Variants in NDUFB5 observed in about 807,000 individuals in gnomAD.
NDUFB5 encodes NADH dehydrogenase [ubiquinone] 1 beta subcomplex subunit 5, mitochondrial.
In NDUFB5, 19 loss-of-function variants were observed where a neutral mutation model predicts 19.4. That is an observed-to-expected ratio of 0.98 (90% confidence interval 0.68 to 1.43). NDUFB5 has a LOEUF of 1.43. Among genes scored for constraint, NDUFB5 ranks in the 40% most tolerant of loss-of-function variants. The pLI is 0.00. For synonymous variants in NDUFB5, 80 were observed against 82.6 expected (o/e 0.97, Z 0.17); for missense variants, 233 against 236.5 (o/e 0.99, Z 0.10).
chr3:179,615,277 G>T, intron 2 of NDUFB5: 1 of 337,396 alleles, frequency 3.0e-6, no homozygotes, highest in Non-Finnish European at 5.6e-6. Flanking sequence ...TACACTAAAT[G>T]GAGGTAAAAC....
chr3:179,611,193 TTGGA>T (rs1488200515), intron 1 of NDUFB5, among the ~76,000 whole-genome samples: 1 of 152,098 alleles, frequency 6.6e-6, no homozygotes, highest in Middle Eastern at 3.2e-3. Context: ...CTTCTGAATA[TTGGA>T]TGGCTTATAG....
chr3:179,619,550 A>G (rs200836393), intron 5 of NDUFB5, among the ~76,000 whole-genome samples: 5 of 152,172 alleles, frequency 3.3e-5, no homozygotes, highest in Non-Finnish European at 7.3e-5. Context: ...TTATGGCTGC[A>G]TAGTATTCCA....
At chr3:179,607,829 A>G in intron 1 of NDUFB5, 1 of 701,828 alleles carries the variant, frequency 1.4e-6, no homozygotes, top group Non-Finnish European at 2.6e-6. Context: ...AGAATCATAT[A>G]ATATTTGTCT....
intron 4 of NDUFB5, 153 bp downstream of exon 4, chr3:179,617,197 G>A: frequency 5.9e-6 from 3 of 511,690 alleles, no homozygotes; most frequent in Non-Finnish European, 1.0e-5. Context: ...GAGTGCAGTG[G>A]CGCGATTTCA....
At chr3:179,616,414 C>T (rs1436014068) in intron 3 of NDUFB5, among the ~76,000 whole-genome samples, 2 of 152,134 alleles carry the variant, frequency 1.3e-5, no homozygotes, top group Admixed American at 6.5e-5. Flanking sequence ...TGGTGGCAGG[C>T]GCCTGTAATC....
chr3:179,621,225 A>G (rs1719525759), intron 5 of NDUFB5, among the ~76,000 whole-genome samples: 1 of 152,000 alleles, frequency 6.6e-6, no homozygotes, highest in Admixed American at 6.6e-5. Flanking sequence ...TTACAGGTGC[A>G]TGACACCATG....
chr3:179,615,108 A>G (rs1169616698), intron 2 of NDUFB5, 49 bp downstream of exon 2: 6 of 1,239,396 alleles, frequency 4.8e-6, no homozygotes, highest in Non-Finnish European at 6.8e-6. Context: ...GTAACAGGGA[A>G]AAAATTTTTG....
intron 5 of NDUFB5, among the ~76,000 whole-genome samples, chr3:179,620,088 C>G (rs1671054291): frequency 6.6e-6 from 1 of 152,076 alleles, no homozygotes; most frequent in Non-Finnish European, 1.5e-5. Context: ...ATTGTAGATT[C>G]TGGATATTAG....
rs1008252808 is a variant in NDUFB5, at chr3:179,626,186, C to A, written c.*2146C>A. The A allele has an allele frequency of 6.6e-6, 1 of 152,042 alleles. No individual in the cohort carries two copies. Among genetic ancestry groups the A allele is most frequent in the Non-Finnish European group, 1.5e-5 (1 of 68,006 alleles). 9.4% of individuals were successfully genotyped at this position (152,042 alleles called of 1,614,324 possible). ...TTACATTTCCCTAATTATGGTTGAG[C>A]ATTTTTTCACATATCTAATGGCCAT... On this transcript the variant is annotated 3_prime_UTR_variant, in exon 6 of 6. Coordinates refer to ENST00000259037, the MANE Select transcript of NDUFB5 (RefSeq NM_002492.4).
At chr3:179,608,378 A>G (rs536685976) in intron 1 of NDUFB5, among the ~76,000 whole-genome samples, 11 of 152,078 alleles carry the variant, frequency 7.2e-5, no homozygotes, top group Admixed American at 3.3e-4. Context: ...TTTTTAGTAG[A>G]GATGGGTTTT....
At chr3:179,610,033 C>T (rs1454521462) in intron 1 of NDUFB5, among the ~76,000 whole-genome samples, 1 of 152,142 alleles carries the variant, frequency 6.6e-6, no homozygotes. Context: ...CTGCTTCAGC[C>T]TCTCAAGTAG....
intron 5 of NDUFB5, among the ~76,000 whole-genome samples, chr3:179,619,431 A>G (rs183942919): frequency 2.9e-3 from 432 of 150,232 alleles, no homozygotes; most frequent in African/African-American, 0.01. Context: ...ATTCCCACCT[A>G]TGACTGAGAA....
chr3:179,621,441 T>C lies in NDUFB5; in HGVS notation c.450-2479T>C, dbSNP rs909634268. Among the ~76,000 whole-genome samples, 7 of 152,232 alleles carry C rather than the reference T, an allele frequency of 4.6e-5. No individual in the cohort carries two copies. In the East Asian group the frequency reaches 1.4e-3, roughly 29 times the overall value. Reference sequence around the variant, plus strand: ...TAGAAATTTTTGCAACACAGAAGTGTTTTTACATTTTCAGGTAACAAATCT... The same window carrying C: ...TAGAAATTTTTGCAACACAGAAGTGCTTTTACATTTTCAGGTAACAAATCT... On this transcript the variant is annotated intron_variant, in intron 5 of 5. Transcript: ENST00000259037.
intron 1 of NDUFB5, among the ~76,000 whole-genome samples, chr3:179,613,370 C>G (rs1719296780): frequency 6.6e-6 from 1 of 152,060 alleles, no homozygotes; most frequent in Non-Finnish European, 1.5e-5. Flanking sequence ...AGGAACTTTT[C>G]TTCTGGGCCA....
At position 179,618,468 on chromosome 3, in the gene NDUFB5, A is replaced by G. The variant is rs1478274769; in HGVS notation, c.396A>G (p.Ile132Met). ...ATTTCTATGATAGTCCTGAAAAGAT[A>G]TATGAAAGAACAATGGCCGTCCTTC... is the stretch of plus-strand genomic sequence containing the variant. ...ARNFYDSPEK[I>M]YERTMAVLQI... The change falls in exon 5 of 6, where the codon ATA becomes ATG. Residue 132 changes from isoleucine to methionine, a missense_variant. By Grantham distance (10) the Ile-to-Met change is conservative (BLOSUM62 1). Transcript: ENST00000259037. 3 of 1,612,386 alleles carry G rather than the reference A, an allele frequency of 1.9e-6. No homozygotes were observed. Among genetic ancestry groups the G allele is most frequent in the Non-Finnish European group, 2.5e-6 (3 of 1,179,628 alleles).
intron 5 of NDUFB5, among the ~76,000 whole-genome samples, chr3:179,620,029 A>G (rs1439487829): frequency 1.3e-5 from 2 of 152,158 alleles, no homozygotes; most frequent in Admixed American, 1.3e-4. Flanking sequence ...TCCTTTGCCC[A>G]CTTTTTGATG....
rs78265587 is a variant in NDUFB5, at chr3:179,615,738, C to T, written c.214-245C>T. 8.4e-3 allele frequency: 4,738 copies of T among 565,650 alleles called. 181 individuals carry two copies. Among genetic ancestry groups the T allele is most frequent in the African/African-American group, 0.081 (4,321 of 53,250 alleles). 35.0% of individuals were successfully genotyped at this position (565,650 alleles called of 1,614,324 possible). On this transcript the variant is annotated intron_variant, in intron 2 of 5. Coordinates refer to ENST00000259037, the MANE Select transcript of NDUFB5 (RefSeq NM_002492.4). ...CCCTTACTTTTCTTGTTATGACCAG[C>T]TCAAATCCTATTTAGTGGTAGAAAT...
intron 1 of NDUFB5, among the ~76,000 whole-genome samples, chr3:179,609,128 A>G (rs1719176350): frequency 2.6e-5 from 4 of 152,232 alleles, no homozygotes; most frequent in Admixed American, 1.3e-4. Flanking sequence ...CTCATCAGTG[A>G]CATTGAGTAT....
Position 179,625,449 on chromosome 3 carries a change from T to G in NDUFB5, c.*1409T>G, listed in dbSNP as rs927206793. On this transcript the variant is annotated 3_prime_UTR_variant, in exon 6 of 6. Transcript: ENST00000259037. ...AACTTTATTATTTTTATTGATAATG[T>G]ACTTGTAATGTGCTATTTTGATACA... The G allele has an allele frequency of 2.6e-5, 4 of 151,832 alleles. No homozygotes were observed. Among genetic ancestry groups the G allele is most frequent in the African/African-American group, 9.7e-5 (4 of 41,102 alleles). The allele number at this position is 151,832 out of a possible 1,614,324, so 9.4% of individuals were successfully genotyped here.
Sources: gnomAD v4.1 joint callset for allele counts (sites outside exome capture counted in the v4.1 genomes callset) on GRCh38, gnomAD v4.1.1 for gene constraint, MANE v1.5 for transcripts, NCBI Gene and HGNC (gene_info 2026-07-23, HGNC 2026-07-21) for gene names.